Variants in NPAS3 observed in about 807,000 individuals in gnomAD.
The protein encoded by NPAS3 is neuronal PAS domain-containing protein 3.
NPAS3 carries 14 observed loss-of-function variants against 73.1 expected under a neutral mutation model. The ratio of observed to expected loss-of-function variants is 0.19; its 90% CI spans 0.13 to 0.30. NPAS3 has a LOEUF of 0.30. NPAS3 is among the 10% of genes least tolerant of loss of function. The pLI, the probability that NPAS3 is intolerant of heterozygous loss-of-function variation, is 1.00. For missense variants in NPAS3, 1,096 were observed against 1,250.0 expected (o/e 0.88, Z 1.86); for synonymous variants, 620 against 541.5 (o/e 1.14, Z -2.01).
chr14:33,145,567 T>C (rs185625545), intron 2 of NPAS3, among the ~76,000 whole-genome samples: 1 of 152,348 alleles, frequency 6.6e-6, no homozygotes, highest in Admixed American at 6.5e-5. Context: ...CTATTCTTCC[T>C]AATAATCCTC....
chr14:33,326,542 C>T (rs1467614127), intron 3 of NPAS3, among the ~76,000 whole-genome samples: 1 of 152,162 alleles, frequency 6.6e-6, no homozygotes, highest in African/African-American at 2.4e-5. Context: ...GCTTTTTGTG[C>T]ATGTGTGACA....
intron 1 of NPAS3, among the ~76,000 whole-genome samples, chr14:33,051,822 C>T (rs8006427): frequency 0.19 from 28,350 of 152,112 alleles, 3,594 homozygotes; most frequent in African/African-American, 0.34. Context: ...TGCAGTGGTG[C>T]GAGCTTGACT....
chr14:33,510,638 A>C (rs1461545127), intron 4 of NPAS3, among the ~76,000 whole-genome samples: 6 of 152,038 alleles, frequency 3.9e-5, no homozygotes, highest in Non-Finnish European at 7.4e-5. Flanking sequence ...AGGAAAGAAA[A>C]GTTTGCATTT....
intron 11 of NPAS3, 91 bp from the exon 12 acceptor site, chr14:33,799,643 G>A (rs2063620830): frequency 7.2e-7 from 1 of 1,395,500 alleles, no homozygotes; most frequent in Non-Finnish European, 9.7e-7. Flanking sequence ...CCCAGCCCCT[G>A]CAGGTGACAG....
rs928941126 is a variant in NPAS3 at position 33,751,240 on chromosome 14, G to T, written c.852+15908G>T. Among the ~76,000 whole-genome samples, 7 of 152,172 alleles carry T rather than the reference G, an allele frequency of 4.6e-5. No homozygotes were observed. In the East Asian group the frequency reaches 1.3e-3, roughly 29 times the overall value. On this transcript the variant is annotated intron_variant, in intron 7 of 11. Transcript: ENST00000356141. ...GAGAAAGAGCATTATTTTCTAACAA[G>T]AAGAACTTGAAGGTTGCTCTCAGCC... is the stretch of plus-strand genomic sequence containing the variant.
Position 33,721,855 on chromosome 14 carries a change from G to A in NPAS3, c.734-13359G>A, listed in dbSNP as rs757707274. 4.9e-4 allele frequency among the ~76,000 whole-genome samples: 74 copies of A among 152,214 alleles called. 1 individual carries two copies. Among genetic ancestry groups the A allele is most frequent in the Non-Finnish European group, 9.1e-4 (62 of 67,992 alleles). On this transcript the variant is annotated intron_variant, in intron 6 of 11. Transcript: ENST00000356141. ...GAAAAATACGGAGAACTTTACTAAT[G>A]ACATGCAAATGGAATTTGTTAGGGA...
intron 2 of NPAS3, among the ~76,000 whole-genome samples, chr14:33,100,368 T>C (rs1342620493): frequency 6.6e-6 from 1 of 152,174 alleles, no homozygotes; most frequent in South Asian, 2.1e-4. Context: ...AAGAGTTAAT[T>C]TTACCTGCAG....
chr14:33,302,668 A>G (rs1173470479), intron 3 of NPAS3, among the ~76,000 whole-genome samples: 2 of 152,216 alleles, frequency 1.3e-5, no homozygotes, highest in East Asian at 3.9e-4. Context: ...TTCCAGAGCG[A>G]TGGCTTTATT....
At chr14:33,556,257 G>A (rs1196176023) in intron 4 of NPAS3, among the ~76,000 whole-genome samples, 2 of 152,150 alleles carry the variant, frequency 1.3e-5, no homozygotes, top group Admixed American at 6.5e-5. Context: ...GGAAGTAAAG[G>A]ATATGCGTAG....
intron 2 of NPAS3, among the ~76,000 whole-genome samples, chr14:33,072,971 A>T (rs1000582028): frequency 1.1e-4 from 16 of 152,252 alleles, no homozygotes; most frequent in South Asian, 4.2e-4. Context: ...CTTAAAAAAA[A>T]TTTTTTTACT....
At chr14:33,177,380 T>C (rs1238089336) in intron 2 of NPAS3, among the ~76,000 whole-genome samples, 1 of 151,970 alleles carries the variant, frequency 6.6e-6, no homozygotes. Context: ...CTTTTTATTA[T>C]TTAGTTTTAG....
At chr14:33,141,813 A>T (rs761367913) in intron 2 of NPAS3, among the ~76,000 whole-genome samples, 1 of 152,342 alleles carries the variant, frequency 6.6e-6, no homozygotes, top group East Asian at 1.9e-4. Context: ...AAGGATGTAC[A>T]GCTGAAGGCT....
chr14:33,771,235 G>GA (rs1016084297), intron 7 of NPAS3, among the ~76,000 whole-genome samples: 6 of 152,040 alleles, frequency 3.9e-5, no homozygotes, highest in African/African-American at 1.4e-4. Context: ...AATGAATTTG[G>GA]AAAAAAATAT....
intron 4 of NPAS3, among the ~76,000 whole-genome samples, chr14:33,388,750 A>G (rs1186318874): frequency 2.0e-5 from 3 of 152,192 alleles, no homozygotes; most frequent in Non-Finnish European, 4.4e-5. Flanking sequence ...TCAAATTTAC[A>G]GAGATAGGAA....
At chr14:33,626,888 G>T (rs1292526855) in intron 5 of NPAS3, among the ~76,000 whole-genome samples, 2 of 152,130 alleles carry the variant, frequency 1.3e-5, no homozygotes, top group African/African-American at 4.8e-5. Context: ...TGGGAGTGGA[G>T]CTTGCAGTAT....
At chr14:33,636,903 G>GCACACACACACACACACACA (rs34527893) in intron 5 of NPAS3, among the ~76,000 whole-genome samples, 53 of 149,276 alleles carry the variant, frequency 3.6e-4, no homozygotes, top group African/African-American at 1.0e-3. Context: ...CTCGGAGTGT[G>GCACACACACACACACACACA]CACACACACA....
At chr14:33,279,699 A>G (rs1886781) in intron 3 of NPAS3, among the ~76,000 whole-genome samples, 26,558 of 152,112 alleles carry the variant, frequency 0.17, 2,579 homozygotes, top group African/African-American at 0.24. Context: ...AACTCGGAGC[A>G]CATAGGCAAT....
At chr14:33,143,125 C>T (rs900532962) in intron 2 of NPAS3, among the ~76,000 whole-genome samples, 1 of 151,238 alleles carries the variant, frequency 6.6e-6, no homozygotes, top group African/African-American at 2.4e-5. Flanking sequence ...GAAAGAAATA[C>T]CTCTTAAATC....
intron 7 of NPAS3, among the ~76,000 whole-genome samples, chr14:33,771,655 C>CA (rs1164209870): frequency 2.0e-5 from 3 of 151,948 alleles, no homozygotes; most frequent in East Asian, 1.9e-4. Context: ...ACTAAAAATA[C>CA]AAAAAAATTA....
Sources: allele counts gnomAD v4.1 joint callset (sites outside exome capture counted in the v4.1 genomes callset), GRCh38; gene constraint gnomAD v4.1.1; transcripts MANE v1.5; gene names NCBI Gene and HGNC (gene_info 2026-07-23, HGNC 2026-07-21).